SPPL2A: variants seen among roughly 807,000 people sequenced by gnomAD.
SPPL2A encodes the protein signal peptide peptidase-like 2A.
In SPPL2A, 51 loss-of-function variants were observed where a neutral mutation model predicts 63.8. The observed-to-expected ratio is 0.80, with a 90% CI of 0.64 to 1.01. SPPL2A has a LOEUF of 1.01. Among genes scored for constraint, SPPL2A ranks in the 50% least tolerant of loss-of-function variants. SPPL2A has a pLI of 0.00. For synonymous variants in SPPL2A, 188 were observed against 205.8 expected, an observed-to-expected ratio of 0.91 and a Z score of 0.74; for missense variants, 553 against 622.7, an observed-to-expected ratio of 0.89 and a Z score of 1.19.
intron 5 of SPPL2A, among the ~76,000 whole-genome samples, chr15:50,740,064 A>G (rs886282513): frequency 1.9e-4 from 29 of 152,254 alleles, no homozygotes; most frequent in African/African-American, 6.7e-4. Flanking sequence ...CTTAAATGCT[A>G]CTCTCCAGAG....
At chr15:50,742,262 T>C (rs1237659387) in intron 5 of SPPL2A, among the ~76,000 whole-genome samples, 1 of 151,832 alleles carries the variant, frequency 6.6e-6, no homozygotes, top group Non-Finnish European at 1.5e-5. Context: ...ATACAAAAAT[T>C]AGCTGGGCAT....
At chr15:50,731,927 C>CAAAAAAAA (rs60624824) in intron 9 of SPPL2A, among the ~76,000 whole-genome samples, 10,516 of 63,346 alleles carry the variant, frequency 0.17, 1,051 homozygotes, top group East Asian at 0.31. Flanking sequence ...GACTCCATCT[C>CAAAAAAAA]AAAAAAAAAA....
chr15:50,749,493 A>G (rs1014505138), intron 2 of SPPL2A, 143 bp downstream of exon 2: 16 of 613,184 alleles, frequency 2.6e-5, no homozygotes, highest in African/African-American at 9.2e-5. Context: ...TCACCGTGTT[A>G]GCCAGGATGG....
chr15:50,723,730 T>C (rs5005217), intron 12 of SPPL2A, among the ~76,000 whole-genome samples: 45,632 of 152,122 alleles, frequency 0.3, 7,444 homozygotes, highest in East Asian at 0.57. Context: ...CCTGCCTCAG[T>C]CTCCCAAAGG....
chr15:50,720,037 G>A lies in SPPL2A; in HGVS notation c.1391C>T (p.Ala464Val), dbSNP rs753466675. The A allele has an allele frequency of 2.5e-6, 4 of 1,613,492 alleles. No individual in the cohort carries two copies. The highest frequency in any genetic ancestry group is 3.4e-6 in the Non-Finnish European group (4 of 1,179,548). ...VLVLMKKGQP[A>V]LLYLVPCTLI... ...TGTGCAAGGTACTAAATAGAGGAGAGCAGGTTGCCCCTTTTTCATCAGCAC... is the reference window on the plus strand; with the variant it reads ...TGTGCAAGGTACTAAATAGAGGAGAACAGGTTGCCCCTTTTTCATCAGCAC... Residue 464 changes from alanine to valine, a missense_variant, in exon 14 of 15, where the codon GCT (alanine) becomes GTT (valine). Coordinates refer to ENST00000261854, the MANE Select transcript of SPPL2A (RefSeq NM_032802.4).
chr15:50,724,339 G>A (rs1253156476), intron 12 of SPPL2A, among the ~76,000 whole-genome samples: 1 of 152,166 alleles, frequency 6.6e-6, no homozygotes, highest in Non-Finnish European at 1.5e-5. Context: ...CACTTTGGGA[G>A]GCCGAAGCGG....
chr15:50,743,123 TAGTC>T (rs2062835278), intron 5 of SPPL2A: 1 of 151,792 alleles, frequency 6.6e-6, no homozygotes, highest in African/African-American at 2.4e-5. Flanking sequence ...ATACAAAAAT[TAGTC>T]AGGCTTGGTG....
chr15:50,750,495 C>T (rs930006882), intron 1 of SPPL2A, among the ~76,000 whole-genome samples: 2 of 152,160 alleles, frequency 1.3e-5, no homozygotes, highest in African/African-American at 4.8e-5. Context: ...TTTCTAAGTG[C>T]TATCTTTGGA....
chr15:50,759,483 C>T (rs187656228), intron 1 of SPPL2A, among the ~76,000 whole-genome samples: 19 of 152,234 alleles, frequency 1.2e-4, no homozygotes, highest in African/African-American at 4.3e-4. Flanking sequence ...GTGGCTCACG[C>T]CTGTAATCCC....
At chr15:50,738,390 A>G (rs2062790821) in intron 6 of SPPL2A, among the ~76,000 whole-genome samples, 2 of 152,040 alleles carry the variant, frequency 1.3e-5, no homozygotes, top group South Asian at 4.2e-4. Context: ...CTGTACTAAC[A>G]ATACAAAAAT....
chr15:50,755,016 A>C (rs920646554), intron 1 of SPPL2A, among the ~76,000 whole-genome samples: 3 of 148,218 alleles, frequency 2.0e-5, no homozygotes, highest in Non-Finnish European at 4.5e-5. Context: ...CAAAAACAAC[A>C]ACAAAAAAAA....
chr15:50,759,644 G>A (rs1299538848), intron 1 of SPPL2A, among the ~76,000 whole-genome samples: 2 of 151,992 alleles, frequency 1.3e-5, no homozygotes, highest in African/African-American at 2.4e-5. Context: ...TCGGGAGGCT[G>A]AGGCAGGAGA....
intron 10 of SPPL2A, among the ~76,000 whole-genome samples, chr15:50,729,476 T>C (rs970022834): frequency 6.6e-6 from 1 of 152,052 alleles, no homozygotes; most frequent in Non-Finnish European, 1.5e-5. Context: ...AAAAATTGGC[T>C]GGGTATAATG....
At chr15:50,718,016 G>C (rs968517409) in intron 14 of SPPL2A, among the ~76,000 whole-genome samples, 1 of 121,798 alleles carries the variant, frequency 8.2e-6, no homozygotes, top group African/African-American at 3.2e-5. Flanking sequence ...CTGTCCCCCA[G>C]GCTGGAGTGC....
rs17599340 is a variant in SPPL2A, at chr15:50,747,694, T to C, written c.451-66A>G. 0.18 allele frequency: 203,595 copies of C among 1,135,214 alleles called. 21,130 individuals are homozygous for C. The highest frequency in any genetic ancestry group is 0.21 in the Non-Finnish European group (159,466 of 768,406). 70.3% of individuals were successfully genotyped at this position (1,135,214 alleles called of 1,614,324 possible). A position where few individuals can be genotyped will look rare whatever the true frequency, so the allele number is the denominator to read the frequency against. ...CTTTCTACTATAGTCATAACAGCAA[T>C]AGTCCACATTTCACTCTGGAATGGA... On this transcript the variant is annotated intron_variant, in intron 4 of 14. Coordinates refer to ENST00000261854, the MANE Select transcript of SPPL2A (RefSeq NM_032802.4).
intron 14 of SPPL2A, among the ~76,000 whole-genome samples, chr15:50,719,418 G>C (rs1454219135): frequency 6.6e-6 from 1 of 151,976 alleles, no homozygotes; most frequent in Admixed American, 6.6e-5. Context: ...CTAATTTTTT[G>C]TATTTTTAGT....
intron 1 of SPPL2A, among the ~76,000 whole-genome samples, chr15:50,763,718 G>A (rs1427297789): frequency 6.6e-6 from 1 of 152,090 alleles, no homozygotes; most frequent in Non-Finnish European, 1.5e-5. Flanking sequence ...CCAACATAGT[G>A]AAACCCCCAT....
rs1158128380 is a variant in SPPL2A, at chr15:50,706,712, A to T, written c.*1088T>A. ...ATTTCTTAAGAAAAATAATTTTTTT[A>T]AAAAATCAAACCTTAACATTAACAG... is the stretch of plus-strand genomic sequence containing the variant. On this transcript the variant is annotated 3_prime_UTR_variant, in exon 15 of 15. Transcript: ENST00000261854. 1 of 152,072 alleles carries T rather than the reference A, an allele frequency of 6.6e-6. No individual in the cohort carries two copies. The highest frequency in any genetic ancestry group is 1.5e-5 in the Non-Finnish European group (1 of 68,024). The allele number at this position is 152,072 out of a possible 1,614,324, so 9.4% of individuals were successfully genotyped here.
In SPPL2A at chr15:50,703,350, A is replaced by ATTTT. The variant is rs2062489440; in HGVS notation, c.*4449_*4450insAAAA. The ATTTT allele has an allele frequency of 1.5e-5, 1 of 67,724 alleles. No individual in the cohort carries two copies. The highest frequency in any genetic ancestry group is 2.8e-5 in the Non-Finnish European group (1 of 35,252). The allele number at this position is 67,724 out of a possible 1,614,324, so 4.2% of individuals were successfully genotyped here. A position where few individuals can be genotyped will look rare whatever the true frequency, so the allele number is the denominator to read the frequency against. On this transcript the variant is annotated 3_prime_UTR_variant, in exon 15 of 15. Transcript: ENST00000261854. Reference sequence around the variant, plus strand: ...CATATATATATATATATATATACATATATATATTTTTTTTTTTTTTTTTTT... The same window carrying ATTTT: ...CATATATATATATATATATATACATATTTTTATATATTTTTTTTTTTTTTTTTTT...
Sources: allele counts gnomAD v4.1 joint callset (sites outside exome capture counted in the v4.1 genomes callset), GRCh38; gene constraint gnomAD v4.1.1; transcripts MANE v1.5; gene names NCBI Gene and HGNC (gene_info 2026-07-23, HGNC 2026-07-21).